Variants in FUT8 observed in about 807,000 individuals in gnomAD.
FUT8 encodes alpha-(1,6)-fucosyltransferase.
In FUT8, 29 loss-of-function variants were observed where a neutral mutation model predicts 71.3. The observed-to-expected ratio is 0.41, with a 90% CI of 0.30 to 0.55. The LOEUF is 0.55. FUT8 is among the 20% of genes least tolerant of loss of function. FUT8 has a pLI of 0.34. For synonymous variants in FUT8, 254 were observed against 239.3 expected, an observed-to-expected ratio of 1.06 and a Z score of -0.57; for missense variants, 544 against 702.1, an observed-to-expected ratio of 0.77 and a Z score of 2.55.
chr14:65,597,516 G>A (rs372834795), intron 3 of FUT8, among the ~76,000 whole-genome samples: 8 of 152,154 alleles, frequency 5.3e-5, no homozygotes, highest in African/African-American at 2.4e-5. Flanking sequence ...CTAGCTACTC[G>A]GGAGGCTGAG....
chr14:65,632,997 T>TCCC (rs1835946065), intron 6 of FUT8, among the ~76,000 whole-genome samples: 2 of 108,892 alleles, frequency 1.8e-5, no homozygotes, highest in East Asian at 4.8e-4. Flanking sequence ...CCCTCTCCCC[T>TCCC]CTCCCCTCCC....
At chr14:65,738,568 C>T (rs971673421) in intron 10 of FUT8, among the ~76,000 whole-genome samples, 1 of 152,100 alleles carries the variant, frequency 6.6e-6, no homozygotes, top group Non-Finnish European at 1.5e-5. Flanking sequence ...TAGCCAACCA[C>T]TGCTTTGCAA....
chr14:65,551,533 C>T (rs539595728), intron 2 of FUT8, among the ~76,000 whole-genome samples: 16 of 152,124 alleles, frequency 1.1e-4, no homozygotes, highest in East Asian at 3.9e-4. Context: ...ATAGATCTTA[C>T]GTAAAGTATT....
intron 3 of FUT8, among the ~76,000 whole-genome samples, chr14:65,610,341 T>C (rs569917452): frequency 6.6e-6 from 1 of 151,884 alleles, no homozygotes; most frequent in South Asian, 2.1e-4. Flanking sequence ...TTTTAATAGA[T>C]AATTGTTATC....
chr14:65,497,410 C>G (rs920761922), intron 2 of FUT8, among the ~76,000 whole-genome samples: 4 of 152,180 alleles, frequency 2.6e-5, no homozygotes, highest in African/African-American at 9.6e-5. Context: ...GAGTCTGAAT[C>G]AGGATCTCTG....
chr14:65,442,817 T>C (rs534412072), intron 1 of FUT8, among the ~76,000 whole-genome samples: 11 of 126,380 alleles, frequency 8.7e-5, no homozygotes, highest in Admixed American at 4.1e-4. Context: ...TGAGACCCCA[T>C]CTCATTAAAA....
chr14:65,481,582 T>C (rs1013791075), intron 2 of FUT8, among the ~76,000 whole-genome samples: 11 of 152,176 alleles, frequency 7.2e-5, no homozygotes, highest in African/African-American at 2.7e-4. Context: ...ACAGATTTCT[T>C]CTTGCCCCCT....
intron 7 of FUT8, among the ~76,000 whole-genome samples, chr14:65,693,679 T>C (rs1367782090): frequency 5.3e-5 from 8 of 152,244 alleles, no homozygotes; most frequent in Non-Finnish European, 8.8e-5. Flanking sequence ...TATGTGGTTT[T>C]GGTATTAGTG....
intron 1 of FUT8, among the ~76,000 whole-genome samples, chr14:65,433,818 C>CTCTCTCTT (rs60644294): frequency 1.4e-5 from 2 of 145,360 alleles, no homozygotes; most frequent in Admixed American, 7.0e-5. Flanking sequence ...CTCTCTCTCT[C>CTCTCTCTT]GCTGTGTTGC....
intron 7 of FUT8, among the ~76,000 whole-genome samples, chr14:65,708,383 C>T (rs1007439168): frequency 8.5e-5 from 13 of 152,130 alleles, no homozygotes; most frequent in South Asian, 2.1e-4. Context: ...TATAAATTAC[C>T]GAATCTCAGG....
At chr14:65,688,010 A>G (rs1893382367) in intron 7 of FUT8, among the ~76,000 whole-genome samples, 1 of 152,242 alleles carries the variant, frequency 6.6e-6, no homozygotes, top group Admixed American at 6.5e-5. Context: ...GATTACAGGC[A>G]TGAGCCACCA....
intron 6 of FUT8, among the ~76,000 whole-genome samples, chr14:65,661,126 A>C (rs1469825297): frequency 6.6e-6 from 1 of 152,042 alleles, no homozygotes; most frequent in Admixed American, 6.5e-5. Flanking sequence ...CTTTGACTTA[A>C]CTCCTTCCAA....
At chr14:65,641,823 C>A (rs956260644) in intron 6 of FUT8, among the ~76,000 whole-genome samples, 3 of 148,152 alleles carry the variant, frequency 2.0e-5, no homozygotes, top group African/African-American at 7.5e-5. Flanking sequence ...ATCTGCATAT[C>A]ATCTTTGGTG....
intron 6 of FUT8, among the ~76,000 whole-genome samples, chr14:65,654,283 A>G (rs1267460335): frequency 6.6e-6 from 1 of 152,166 alleles, no homozygotes; most frequent in Non-Finnish European, 1.5e-5. Flanking sequence ...TTATCCCTAG[A>G]TTAACTACTA....
intron 2 of FUT8, chr14:65,471,082 G>T: frequency 2.1e-6 from 1 of 467,680 alleles, no homozygotes. Flanking sequence ...TTGTACAAGA[G>T]CTGTACTGAT....
intron 2 of FUT8, among the ~76,000 whole-genome samples, chr14:65,520,193 T>G (rs1439836945): frequency 1.3e-5 from 2 of 152,096 alleles, no homozygotes; most frequent in Non-Finnish European, 2.9e-5. Flanking sequence ...TAATTTTAAT[T>G]TTGTTTTGGA....
At chr14:65,386,145 C>G in the FUT8 span, among the ~76,000 whole-genome samples, 3 of 142,290 alleles carry the variant, frequency 2.1e-5, no homozygotes, top group African/African-American at 8.1e-5. Context: ...GAGTAAGACT[C>G]CATCTAAAAA....
the FUT8 span, among the ~76,000 whole-genome samples, chr14:65,374,709 C>T: frequency 6.6e-6 from 1 of 152,062 alleles, no homozygotes; most frequent in South Asian, 2.1e-4. Flanking sequence ...ATTCTTCTGC[C>T]TCAGCCTCCC....
At chr14:65,385,523 C>A in the FUT8 span, among the ~76,000 whole-genome samples, 1 of 152,008 alleles carries the variant, frequency 6.6e-6, no homozygotes, top group Non-Finnish European at 1.5e-5. Flanking sequence ...TATGCAAACA[C>A]TATTGTACAT....
Sources: allele counts gnomAD v4.1 joint callset (sites outside exome capture counted in the v4.1 genomes callset), GRCh38; gene constraint gnomAD v4.1.1; transcripts MANE v1.5; gene names NCBI Gene and HGNC (gene_info 2026-07-23, HGNC 2026-07-21).